SEC23B: variants seen among roughly 807,000 people sequenced by gnomAD.
The protein encoded by SEC23B is SEC23 homolog B, COPII component.
A neutral mutation model predicts 104.3 loss-of-function variants in SEC23B; 77 were observed. The ratio of observed to expected loss-of-function variants is 0.74; its 90% CI spans 0.61 to 0.89. The LOEUF (loss-of-function observed/expected upper bound fraction) is 0.89. Among genes scored for constraint, SEC23B ranks in the 40% least tolerant of loss-of-function variants. The pLI, the probability that SEC23B is intolerant of heterozygous loss-of-function variation, is 0.00. For synonymous variants in SEC23B, 338 were observed against 332.5 expected (o/e 1.02, Z -0.18); for missense variants, 885 against 949.4 (o/e 0.93, Z 0.89).
chr20:18,516,954 T>C (rs899901720), intron 4 of SEC23B, among the ~76,000 whole-genome samples: 1 of 152,254 alleles, frequency 6.6e-6, no homozygotes, highest in Admixed American at 6.5e-5. Flanking sequence ...AGGGATTGCA[T>C]TGAATCTGTA....
intron 15 of SEC23B, 115 bp from the exon 16 acceptor site, chr20:18,548,494 C>T (rs2060355018): frequency 2.0e-6 from 2 of 995,818 alleles, no homozygotes; most frequent in Admixed American, 4.0e-5. Flanking sequence ...TCTGTGAAAC[C>T]AGAGAGCCCT....
intron 18 of SEC23B, among the ~76,000 whole-genome samples, chr20:18,554,888 T>C (rs754421935): frequency 1.3e-4 from 19 of 149,930 alleles, no homozygotes; most frequent in Non-Finnish European, 2.5e-4. Context: ...CAAGATAAAA[T>C]ACATATTTTA....
intron 2 of SEC23B, among the ~76,000 whole-genome samples, chr20:18,511,938 A>G (rs4549179): frequency 6.6e-6 from 1 of 152,250 alleles, no homozygotes; most frequent in Non-Finnish European, 1.5e-5. Flanking sequence ...GAAATAATGT[A>G]TAATTTATAT....
intron 15 of SEC23B, among the ~76,000 whole-genome samples, chr20:18,547,533 C>T (rs2060343960): frequency 6.6e-6 from 1 of 152,082 alleles, no homozygotes. Context: ...AGGGCGAGAA[C>T]CTATGGTTGC....
At chr20:18,542,480 G>T in intron 13 of SEC23B, 78 bp downstream of exon 13, 1 of 1,325,650 alleles carries the variant, frequency 7.5e-7, no homozygotes, top group Non-Finnish European at 1.1e-6. Context: ...ACATTTGTTA[G>T]TTTGTCTTTT....
intron 19 of SEC23B, among the ~76,000 whole-genome samples, chr20:18,557,665 A>G (rs1422977686): frequency 6.6e-6 from 1 of 151,312 alleles, no homozygotes; most frequent in African/African-American, 2.4e-5. Flanking sequence ...AAAACCTATT[A>G]TATTTCTCTA....
intron 1 of SEC23B, among the ~76,000 whole-genome samples, chr20:18,509,011 G>A (rs2059958315): frequency 6.6e-6 from 1 of 152,154 alleles, no homozygotes; most frequent in East Asian, 1.9e-4. Flanking sequence ...GTGAGCCACC[G>A]CGCCCGGCCG....
At chr20:18,526,639 C>A in intron 8 of SEC23B, 108 bp downstream of exon 8, 3 of 1,186,352 alleles carry the variant, frequency 2.5e-6, no homozygotes, top group South Asian at 1.2e-5. Flanking sequence ...GTCAGCAAGA[C>A]GCTGTTTCAG....
chr20:18,523,297 G>A (rs2060101041), intron 4 of SEC23B, among the ~76,000 whole-genome samples: 1 of 151,944 alleles, frequency 6.6e-6, no homozygotes, highest in African/African-American at 2.4e-5. Context: ...CCTGAGGCTG[G>A]AGCTCTCCCC....
chr20:18,523,171 C>T (rs1329741208), intron 4 of SEC23B, among the ~76,000 whole-genome samples: 2 of 152,014 alleles, frequency 1.3e-5, no homozygotes, highest in African/African-American at 4.8e-5. Flanking sequence ...CAAAGCCCCA[C>T]GTGTTACCAC....
intron 16 of SEC23B, among the ~76,000 whole-genome samples, chr20:18,549,507 ACC>A (rs1478635282): frequency 2.6e-5 from 4 of 152,176 alleles, no homozygotes; most frequent in Non-Finnish European, 5.9e-5. Flanking sequence ...TGTGGAACCC[ACC>A]GATACGGAGG....
intron 8 of SEC23B, among the ~76,000 whole-genome samples, chr20:18,526,799 GCC>G (rs1600243908): frequency 6.6e-6 from 1 of 152,162 alleles, no homozygotes; most frequent in East Asian, 1.9e-4. Context: ...TGATTTCCAG[GCC>G]AGTCCCGGTG....
intron 6 of SEC23B, 119 bp from the exon 7 acceptor site, chr20:18,525,669 T>C (rs1177452292): frequency 7.4e-6 from 8 of 1,082,432 alleles, no homozygotes; most frequent in Non-Finnish European, 2.8e-6. Context: ...AGAAAAAAAT[T>C]ACCAGTCAGT....
chr20:18,552,023 G>C (rs1335121597), intron 17 of SEC23B, among the ~76,000 whole-genome samples: 1 of 152,158 alleles, frequency 6.6e-6, no homozygotes, highest in Non-Finnish European at 1.5e-5. Flanking sequence ...TTCATGCCCT[G>C]AGAAAGGGAA....
chr20:18,548,980 A>G (rs540621025), intron 16 of SEC23B, among the ~76,000 whole-genome samples: 1 of 152,326 alleles, frequency 6.6e-6, no homozygotes, highest in South Asian at 2.1e-4. Context: ...TAAATGTAAA[A>G]AACTCTAGGA....
chr20:18,516,248 C>CTTTTTTTTTTTTTTTTTTTTTTTTTTT (rs71194246), intron 4 of SEC23B, among the ~76,000 whole-genome samples: 1 of 139,046 alleles, frequency 7.2e-6, no homozygotes, highest in Non-Finnish European at 1.5e-5. Flanking sequence ...CACAGTAATT[C>CTTTTTTTTTTTTTTTTTTTTTTTTTTT]TTTTTTTTTT....
At chr20:18,538,774 G>T (rs1041208014) in intron 12 of SEC23B, among the ~76,000 whole-genome samples, 5 of 152,166 alleles carry the variant, frequency 3.3e-5, no homozygotes, top group African/African-American at 1.2e-4. Flanking sequence ...CACAGCATCT[G>T]CATGAGGAGT....
intron 4 of SEC23B, among the ~76,000 whole-genome samples, chr20:18,523,730 G>C (rs1489122946): frequency 6.7e-6 from 1 of 149,948 alleles, no homozygotes; most frequent in Non-Finnish European, 1.5e-5. Flanking sequence ...TTTAAGATGG[G>C]GTCTTGCTCT....
chr20:18,532,752 A>G lies in SEC23B; in HGVS notation c.1314+8A>G. ...CCGTGTGTGTCAGAAAATGTAAGGAAAACAACTCCATCACCCTCACCTCCT... is the reference window on the plus strand; with the variant it reads ...CCGTGTGTGTCAGAAAATGTAAGGAGAACAACTCCATCACCCTCACCTCCT... On this transcript the variant is annotated splice_region_variant and intron_variant, in intron 11 of 19. Coordinates refer to ENST00000650089, the MANE Select transcript of SEC23B (RefSeq NM_006363.6). 6.2e-7 allele frequency: 1 copy of G among 1,602,880 alleles called. No homozygotes were observed. The highest frequency in any genetic ancestry group is 8.6e-7 in the Non-Finnish European group (1 of 1,169,462).
Sources: gnomAD v4.1 joint callset for allele counts (sites outside exome capture counted in the v4.1 genomes callset) on GRCh38, gnomAD v4.1.1 for gene constraint, MANE v1.5 for transcripts, NCBI Gene and HGNC (gene_info 2026-07-23, HGNC 2026-07-21) for gene names.